The following CDC73 variants were observed in gnomAD, a reference collection of about 807,000 sequenced individuals.
CDC73 encodes parafibromin.
CDC73 carries 21 observed loss-of-function variants against 83.7 expected under a neutral mutation model. The observed-to-expected ratio is 0.25, with a 90% CI of 0.18 to 0.36. The LOEUF (loss-of-function observed/expected upper bound fraction) is 0.36, where lower values mean the gene tolerates loss of function less well. Among genes scored for constraint, CDC73 ranks in the 10% least tolerant of loss-of-function variants. CDC73 has a pLI of 1.00. For synonymous variants in CDC73, 224 were observed against 212.9 expected, an observed-to-expected ratio of 1.05 and a Z score of -0.45; for missense variants, 342 against 653.3, an observed-to-expected ratio of 0.52 and a Z score of 5.19.
intron 11 of CDC73, among the ~76,000 whole-genome samples, chr1:193,208,500 T>C (rs1301885735): frequency 1.3e-5 from 2 of 152,230 alleles, no homozygotes; most frequent in Non-Finnish European, 2.9e-5. Context: ...CCACACATAG[T>C]TTGAGTAGCA....
chr1:193,200,082 AAAAC>A (rs1163873582), intron 10 of CDC73, among the ~76,000 whole-genome samples: 10 of 151,828 alleles, frequency 6.6e-5, no homozygotes, highest in African/African-American at 2.4e-4. Context: ...AAAAAAACAA[AAAAC>A]AAAAACTAGC....
intron 15 of CDC73, among the ~76,000 whole-genome samples, chr1:193,244,596 T>A (rs963838583): frequency 1.3e-5 from 2 of 152,228 alleles, no homozygotes; most frequent in African/African-American, 4.8e-5. Context: ...TAACGTTTTT[T>A]AACATTTTTT....
chr1:193,228,142 T>C (rs1677595787), intron 13 of CDC73, among the ~76,000 whole-genome samples: 1 of 152,208 alleles, frequency 6.6e-6, no homozygotes, highest in African/African-American at 2.4e-5. Flanking sequence ...TATACAGTTA[T>C]TTTTCATGAT....
At chr1:193,178,811 C>G (rs1455792183) in intron 10 of CDC73, among the ~76,000 whole-genome samples, 1 of 152,070 alleles carries the variant, frequency 6.6e-6, no homozygotes, top group Non-Finnish European at 1.5e-5. Flanking sequence ...TTAGTGTTTT[C>G]AAGTTTCACA....
intron 10 of CDC73, among the ~76,000 whole-genome samples, chr1:193,157,570 A>G (rs555161463): frequency 6.6e-6 from 1 of 152,344 alleles, no homozygotes; most frequent in East Asian, 1.9e-4. Context: ...TCACATGGCA[A>G]CAGCCACATC....
chr1:193,232,200 T>C (rs1325843986), intron 13 of CDC73, among the ~76,000 whole-genome samples: 2 of 152,112 alleles, frequency 1.3e-5, no homozygotes, highest in African/African-American at 4.8e-5. Flanking sequence ...CTCTGAAGTT[T>C]GATGGTATTT....
chr1:193,247,751 A>G (rs990639552), intron 15 of CDC73, among the ~76,000 whole-genome samples: 2 of 152,136 alleles, frequency 1.3e-5, no homozygotes, highest in African/African-American at 4.8e-5. Context: ...CAGCCATAAT[A>G]TTCTGCTAAG....
At chr1:193,199,581 T>G (rs988770456) in intron 10 of CDC73, among the ~76,000 whole-genome samples, 5 of 151,346 alleles carry the variant, frequency 3.3e-5, no homozygotes, top group Admixed American at 1.3e-4. Context: ...ACATTGATGG[T>G]GCGCACCTGT....
intron 15 of CDC73, among the ~76,000 whole-genome samples, chr1:193,249,152 C>T (rs1372254756): frequency 2.0e-5 from 3 of 151,978 alleles, no homozygotes; most frequent in Non-Finnish European, 4.4e-5. Flanking sequence ...CTTCATCAAC[C>T]ACCACACCCT....
At chr1:193,215,739 A>G (rs933170023) in intron 13 of CDC73, among the ~76,000 whole-genome samples, 10 of 151,808 alleles carry the variant, frequency 6.6e-5, no homozygotes, top group Non-Finnish European at 1.0e-4. Context: ...ACAGGTGTGC[A>G]CTACCACACC....
Position 193,185,901 on chromosome 1 carries a change from CTT to C in CDC73, c.973-17891_973-17890del, listed in dbSNP as rs1676798503. The C allele has an allele frequency of 2.0e-5, 3 of 152,190 alleles. No individual in the cohort carries two copies. In the South Asian group the frequency reaches 6.2e-4, roughly 32 times the overall value. 9.4% of individuals were successfully genotyped at this position (152,190 alleles called of 1,614,324 possible). ...ATTTTAAAATCAGATATTAAGAAACCTTTTCATAGTTTCAAGGGCAGTGAGCT... is the reference window on the plus strand; with the variant it reads ...ATTTTAAAATCAGATATTAAGAAACCTTCATAGTTTCAAGGGCAGTGAGCT... On this transcript the variant is annotated intron_variant, in intron 10 of 16. Coordinates refer to ENST00000367435, the MANE Select transcript of CDC73 (RefSeq NM_024529.5).
chr1:193,216,324 A>G (rs1337710472), intron 13 of CDC73, among the ~76,000 whole-genome samples: 1 of 152,238 alleles, frequency 6.6e-6, no homozygotes, highest in Non-Finnish European at 1.5e-5. Context: ...CTGTGCACAC[A>G]AACTAGAATA....
intron 10 of CDC73, chr1:193,181,093 A>G (rs765705813): frequency 1.9e-6 from 3 of 1,613,918 alleles, no homozygotes; most frequent in East Asian, 4.5e-5. Context: ...CTCTGCAGCT[A>G]TTAGTAGTAT....
intron 10 of CDC73, among the ~76,000 whole-genome samples, chr1:193,182,448 C>CT (rs1676733135): frequency 6.6e-6 from 1 of 152,064 alleles, no homozygotes; most frequent in African/African-American, 2.4e-5. Flanking sequence ...TGGCAGAACA[C>CT]TGTTACATAT....
At chr1:193,163,573 T>C (rs373961443) in intron 10 of CDC73, among the ~76,000 whole-genome samples, 68 of 152,154 alleles carry the variant, frequency 4.5e-4, no homozygotes, top group African/African-American at 1.5e-3. Flanking sequence ...TAACTTGATA[T>C]TGGAAAATAT....
chr1:193,163,150 GTTGTGTGT>G (rs1476302187), intron 10 of CDC73, among the ~76,000 whole-genome samples: 18 of 145,840 alleles, frequency 1.2e-4, no homozygotes, highest in Non-Finnish European at 2.1e-4. Context: ...ACTTTGTGGG[GTTGTGTGT>G]GTGTGTGTGT....
chr1:193,123,262 C>T (rs1309872723), intron 1 of CDC73, among the ~76,000 whole-genome samples: 1 of 152,204 alleles, frequency 6.6e-6, no homozygotes, highest in East Asian at 1.9e-4. Context: ...GAGTCTTGCT[C>T]TGTCGCCCAG....
chr1:193,168,218 G>T (rs565365495), intron 10 of CDC73, among the ~76,000 whole-genome samples: 1 of 152,010 alleles, frequency 6.6e-6, no homozygotes, highest in East Asian at 1.9e-4. Context: ...TGTGGTGTAG[G>T]TACCAGTAAT....
chr1:193,236,036 C>T (rs1324058038), intron 14 of CDC73, among the ~76,000 whole-genome samples: 1 of 152,030 alleles, frequency 6.6e-6, no homozygotes, highest in African/African-American at 2.4e-5. Context: ...GTGTAAAAAC[C>T]AGATACATGA....
Sources: allele counts gnomAD v4.1 joint callset (sites outside exome capture counted in the v4.1 genomes callset), GRCh38; gene constraint gnomAD v4.1.1; transcripts MANE v1.5; gene names NCBI Gene and HGNC (gene_info 2026-07-23, HGNC 2026-07-21).